Variants in SLC2A9 observed in about 807,000 individuals in gnomAD.
SLC2A9 encodes solute carrier family 2, facilitated glucose transporter member 9.
A neutral mutation model predicts 50.6 loss-of-function variants in SLC2A9; 39 were observed. The observed-to-expected ratio is 0.77, with a 90% CI of 0.60 to 1.01. SLC2A9 has a LOEUF of 1.01. SLC2A9 is among the 50% of genes least tolerant of loss of function. The probability of loss-of-function intolerance (pLI) is 0.00; values close to 1 mark genes in which losing one functional copy is unlikely to be tolerated. For synonymous variants in SLC2A9, 324 were observed against 276.9 expected (o/e 1.17, Z -1.69); for missense variants, 686 against 677.6 (o/e 1.01, Z -0.14).
chr4:9,791,170 T>C (rs752998199), intron 3 of SLC2A9, among the ~76,000 whole-genome samples: 38 of 152,218 alleles, frequency 2.5e-4, no homozygotes, highest in Non-Finnish European at 4.9e-4. Context: ...AGATTCCTTG[T>C]TGGCAAAATG....
chr4:10,029,565 ATTTATTTTATAT>A (rs2109588607), intron 1 of SLC2A9, among the ~76,000 whole-genome samples: 1 of 110,184 alleles, frequency 9.1e-6, no homozygotes, highest in Non-Finnish European at 2.2e-5. Context: ...ATTTTATTTT[ATTTATTTTATAT>A]TTTTATTTTA....
chr4:10,019,674 C>T (rs1307336931), intron 1 of SLC2A9, among the ~76,000 whole-genome samples: 2 of 152,190 alleles, frequency 1.3e-5, no homozygotes, highest in East Asian at 3.9e-4. Flanking sequence ...CTGAGACTGC[C>T]GACAGCCAGA....
intron 3 of SLC2A9, among the ~76,000 whole-genome samples, chr4:9,790,422 T>C (rs1034178630): frequency 6.6e-6 from 1 of 152,182 alleles, no homozygotes; most frequent in African/African-American, 2.4e-5. Flanking sequence ...ATTTGTAGAT[T>C]TGGGAAAGCA....
At chr4:9,821,823 A>G (rs906249480), downstream of SLC2A9, among the ~76,000 whole-genome samples, 1 of 151,994 alleles carries the variant, frequency 6.6e-6, no homozygotes, top group African/African-American at 2.4e-5. Context: ...ATTTTCCCTC[A>G]GTATTTGGTA....
intron 6 of SLC2A9, among the ~76,000 whole-genome samples, chr4:9,930,950 G>A (rs1440251086): frequency 1.3e-5 from 2 of 152,214 alleles, no homozygotes; most frequent in African/African-American, 2.4e-5. Flanking sequence ...AACCCCAGAT[G>A]TGTGCAGGCT....
chr4:9,840,846 G>A (rs1488292892), intron 10 of SLC2A9, among the ~76,000 whole-genome samples: 2 of 152,170 alleles, frequency 1.3e-5, no homozygotes, highest in East Asian at 3.8e-4. Flanking sequence ...TGGCTGCGGA[G>A]GCCTCAGGAA....
At chr4:9,876,867 G>A (rs985408765) in intron 10 of SLC2A9, among the ~76,000 whole-genome samples, 1 of 152,172 alleles carries the variant, frequency 6.6e-6, no homozygotes, top group African/African-American at 2.4e-5. Flanking sequence ...AGACATTGAT[G>A]TGTCCTGAGC....
intron 10 of SLC2A9, among the ~76,000 whole-genome samples, chr4:9,872,968 C>T (rs1189498536): frequency 3.9e-5 from 6 of 152,210 alleles, no homozygotes; most frequent in Non-Finnish European, 4.4e-5. Flanking sequence ...GTTTTCTTCA[C>T]AGCTAACAGC....
intron 3 of SLC2A9, among the ~76,000 whole-genome samples, chr4:9,812,255 A>C (rs1722984516): frequency 1.3e-5 from 2 of 152,178 alleles, no homozygotes; most frequent in Non-Finnish European, 2.9e-5. Flanking sequence ...ATTCAGCTGC[A>C]CTTTATTTAG....
intron 10 of SLC2A9, among the ~76,000 whole-genome samples, chr4:9,858,195 G>T (rs1476144096): frequency 6.6e-6 from 1 of 152,222 alleles, no homozygotes; most frequent in Admixed American, 6.5e-5. Flanking sequence ...AAGAGGGGAG[G>T]TGAAAGATGG....
intron 7 of SLC2A9, among the ~76,000 whole-genome samples, chr4:9,911,856 G>A (rs948309392): frequency 2.0e-5 from 3 of 152,160 alleles, no homozygotes; most frequent in African/African-American, 7.2e-5. Flanking sequence ...AGATGTGATT[G>A]CTTCTTGGTT....
At chr4:9,802,087 T>TTC (rs1426404988) in intron 3 of SLC2A9, among the ~76,000 whole-genome samples, 1 of 152,150 alleles carries the variant, frequency 6.6e-6, no homozygotes, top group Non-Finnish European at 1.5e-5. Context: ...TTGTTCCTGC[T>TTC]TCTCCAATGA....
chr4:9,853,859 T>C (rs907797249), intron 10 of SLC2A9, among the ~76,000 whole-genome samples: 2 of 152,034 alleles, frequency 1.3e-5, no homozygotes, highest in Non-Finnish European at 2.9e-5. Context: ...AACCATACAA[T>C]TACATGAAAA....
intron 5 of SLC2A9, among the ~76,000 whole-genome samples, chr4:9,963,187 A>C (rs1752543013): frequency 1.3e-5 from 2 of 152,212 alleles, no homozygotes; most frequent in Admixed American, 6.5e-5. Context: ...TCCCATTTCT[A>C]AAACCATCAG....
chr4:9,864,040 G>C (rs1232325212), intron 10 of SLC2A9, among the ~76,000 whole-genome samples: 1 of 152,020 alleles, frequency 6.6e-6, no homozygotes, highest in African/African-American at 2.4e-5. Context: ...TTGCCATACA[G>C]AGATCTACCT....
chr4:9,806,342 A>T (rs899606957), intron 3 of SLC2A9, among the ~76,000 whole-genome samples: 2 of 152,266 alleles, frequency 1.3e-5, no homozygotes, highest in Non-Finnish European at 2.9e-5. Flanking sequence ...TCTGTGCCTT[A>T]AGAATGTGTT....
chr4:9,937,808 T>G (rs1747360621), intron 6 of SLC2A9, among the ~76,000 whole-genome samples: 1 of 152,172 alleles, frequency 6.6e-6, no homozygotes, highest in African/African-American at 2.4e-5. Context: ...CTGCGTTGGT[T>G]GTTGGTGGGT....
chr4:9,849,498 A>G (rs1729517728), intron 10 of SLC2A9, among the ~76,000 whole-genome samples: 1 of 152,192 alleles, frequency 6.6e-6, no homozygotes, highest in Non-Finnish European at 1.5e-5. Flanking sequence ...TTGACTATCA[A>G]TTAGCATGTT....
Position 9,934,769 on chromosome 4 carries a change from C to T in SLC2A9, c.814+7144G>A, listed in dbSNP as rs183672716. Among the ~76,000 whole-genome samples, 181 of 152,296 alleles carry T rather than the reference C, an allele frequency of 1.2e-3. 1 individual carries two copies. Among genetic ancestry groups the T allele is most frequent in the Non-Finnish European group, 2.4e-3 (160 of 68,032 alleles). Reference sequence around the variant, plus strand: ...TCAACCTGTCGTCTAGGTTTTAAGTCCTGCATGCATTAGCTATTTGTCCTA... The same window carrying T: ...TCAACCTGTCGTCTAGGTTTTAAGTTCTGCATGCATTAGCTATTTGTCCTA... On this transcript the variant is annotated intron_variant, in intron 6 of 11. Transcript: ENST00000264784.
Sources: gnomAD v4.1 joint callset for allele counts (sites outside exome capture counted in the v4.1 genomes callset) on GRCh38, gnomAD v4.1.1 for gene constraint, MANE v1.5 for transcripts, NCBI Gene and HGNC (gene_info 2026-07-23, HGNC 2026-07-21) for gene names.